DNAAF9: variants seen among roughly 807,000 people sequenced by gnomAD.
DNAAF9 encodes the protein shulin.
A neutral mutation model predicts 167.0 loss-of-function variants in DNAAF9; 90 were observed. That is an observed-to-expected ratio of 0.54 (90% CI 0.45 to 0.64). DNAAF9 has a LOEUF of 0.64. DNAAF9 is among the 30% of genes least tolerant of loss of function. The pLI is 0.00. For missense variants in DNAAF9, 1,315 were observed against 1,442.2 expected, an observed-to-expected ratio of 0.91 and a Z score of 1.43; for synonymous variants, 491 against 508.8, an observed-to-expected ratio of 0.96 and a Z score of 0.47.
rs527286459 is a variant in DNAAF9, at chr20:3,259,467, AG to A, written c.3055+12del. 4,535 of 1,443,912 alleles carry A rather than the reference AG, an allele frequency of 3.1e-3. 7 individuals are homozygous for A. Among genetic ancestry groups the A allele is most frequent in the Non-Finnish European group, 3.8e-3 (4,073 of 1,069,856 alleles). The allele number at this position is 1,443,912 out of a possible 1,614,324, so 89.4% of individuals were successfully genotyped here. On this transcript the variant is annotated intron_variant, in intron 33 of 36. Coordinates refer to ENST00000252032, the MANE Select transcript of DNAAF9 (RefSeq NM_001009984.3). ...CCATGGTGTAGAGCTCCCAAATCCC[AG>A]CCCCTGGTTACCTGAAAACTTCACT... is the stretch of plus-strand genomic sequence containing the variant.
chr20:3,314,232 G>A (rs6051733), intron 20 of DNAAF9, among the ~76,000 whole-genome samples: 2 of 152,078 alleles, frequency 1.3e-5, no homozygotes, highest in South Asian at 4.2e-4. Flanking sequence ...ATGAGATTTA[G>A]GACTTTGAAC....
chr20:3,361,991 C>T (rs1222187053), intron 6 of DNAAF9: 1 of 1,528,006 alleles, frequency 6.5e-7, no homozygotes, highest in Non-Finnish European at 9.1e-7. Context: ...ATGAATTCTG[C>T]CATTTTGCTA....
At position 3,315,912 on chromosome 20, in the gene DNAAF9, G is replaced by T; in HGVS notation, c.1540-127C>A. On this transcript the variant is annotated intron_variant, in intron 18 of 36. Transcript: ENST00000252032. The surrounding 1 kb of genome is among the most constrained non-coding windows in gnomAD (Gnocchi z 4.1). ...AGTCCTTCCACCATGTCCATGTCCA[G>T]TGCTCTCAGGCCCTGACACACCTGA... 1 of 778,988 alleles carries T rather than the reference G, an allele frequency of 1.3e-6. No homozygotes were observed. Among genetic ancestry groups the T allele is most frequent in the Non-Finnish European group, 2.3e-6 (1 of 436,858 alleles). 48.3% of individuals were successfully genotyped at this position (778,988 alleles called of 1,614,324 possible). A position where few individuals can be genotyped will look rare whatever the true frequency, so the allele number is the denominator to read the frequency against.
At chr20:3,297,987 A>G (rs2069111848) in intron 22 of DNAAF9, 42 bp downstream of exon 22, 1 of 1,534,726 alleles carries the variant, frequency 6.5e-7, no homozygotes, top group Middle Eastern at 1.7e-4. Flanking sequence ...CTAGGGGGAA[A>G]AAAAAGTAGT....
chr20:3,262,804 CATT>C (rs561559253), intron 31 of DNAAF9, among the ~76,000 whole-genome samples: 23 of 152,068 alleles, frequency 1.5e-4, no homozygotes, highest in Admixed American at 5.2e-4. Context: ...GCTAAGATAT[CATT>C]ATCTTGTTCA....
intron 1 of DNAAF9, among the ~76,000 whole-genome samples, chr20:3,396,190 C>A (rs1309054811): frequency 1.3e-5 from 2 of 152,200 alleles, no homozygotes; most frequent in African/African-American, 4.8e-5. Flanking sequence ...ATGTGTTTAT[C>A]AACAGCATGA....
intron 16 of DNAAF9, among the ~76,000 whole-genome samples, chr20:3,318,751 C>T (rs1202892164): frequency 2.0e-5 from 3 of 151,826 alleles, no homozygotes; most frequent in Non-Finnish European, 4.4e-5. Context: ...TTTGAGACCA[C>T]CCTGAACAAC....
At chr20:3,329,177 C>T (rs2069773887) in intron 12 of DNAAF9, among the ~76,000 whole-genome samples, 2 of 151,576 alleles carry the variant, frequency 1.3e-5, no homozygotes, top group African/African-American at 4.9e-5. Context: ...GACACACACG[C>T]ACATTTTTGA....
At chr20:3,279,884 C>T (rs1045546424) in intron 28 of DNAAF9, among the ~76,000 whole-genome samples, 2 of 152,202 alleles carry the variant, frequency 1.3e-5, no homozygotes, top group Non-Finnish European at 2.9e-5. Context: ...AGCCACTCTT[C>T]TGAATGGCTG....
chr20:3,295,503 C>G (rs1057191202), intron 23 of DNAAF9: 4 of 286,870 alleles, frequency 1.4e-5, no homozygotes, highest in African/African-American at 8.9e-5. Flanking sequence ...TAAAGAAGCC[C>G]AAACACATTT....
intron 30 of DNAAF9, among the ~76,000 whole-genome samples, chr20:3,266,297 C>T (rs1341934682): frequency 6.6e-6 from 1 of 152,160 alleles, no homozygotes; most frequent in Non-Finnish European, 1.5e-5. Context: ...AGGTATTTTT[C>T]CCTCTTTGTA....
chr20:3,407,380 A>C (rs1305599477), intron 1 of DNAAF9, 95 bp downstream of exon 1: 27 of 1,039,296 alleles, frequency 2.6e-5, no homozygotes, highest in Non-Finnish European at 3.2e-5. Context: ...CGAGGAAGCC[A>C]TGTCGGACCA....
intron 27 of DNAAF9, 42 bp downstream of exon 27, chr20:3,287,590 T>A: frequency 6.3e-7 from 1 of 1,597,374 alleles, no homozygotes; most frequent in South Asian, 1.1e-5. Context: ...GGCAAGGTCA[T>A]CACCCTGATT....
intron 29 of DNAAF9, among the ~76,000 whole-genome samples, chr20:3,272,815 TA>T (rs2068616925): frequency 6.6e-6 from 1 of 152,154 alleles, no homozygotes; most frequent in Admixed American, 6.5e-5. Flanking sequence ...GTAGTTTAAT[TA>T]TTTTTTTATT....
chr20:3,319,551 T>C (rs1027387330), intron 16 of DNAAF9, among the ~76,000 whole-genome samples: 5 of 152,162 alleles, frequency 3.3e-5, no homozygotes, highest in Admixed American at 6.5e-5. Flanking sequence ...CAAGGACCTG[T>C]CCCCTCCTAC....
intron 25 of DNAAF9, among the ~76,000 whole-genome samples, chr20:3,290,636 T>A (rs2068934546): frequency 6.6e-6 from 1 of 152,144 alleles, no homozygotes; most frequent in Non-Finnish European, 1.5e-5. Flanking sequence ...TAACTATTTC[T>A]TAGGAAAACA....
intron 28 of DNAAF9, among the ~76,000 whole-genome samples, chr20:3,279,749 C>T (rs1162193993): frequency 6.6e-6 from 1 of 152,178 alleles, no homozygotes; most frequent in Non-Finnish European, 1.5e-5. Context: ...GACGGCTAAA[C>T]ACACTAAGCT....
chr20:3,405,030 C>T (rs2084037104), intron 1 of DNAAF9, among the ~76,000 whole-genome samples: 2 of 152,210 alleles, frequency 1.3e-5, no homozygotes, highest in Admixed American at 6.5e-5. Flanking sequence ...TGGAAAACTA[C>T]ACAACAGAAA....
At chr20:3,354,937 T>A (rs1446567723) in intron 7 of DNAAF9, among the ~76,000 whole-genome samples, 1 of 152,170 alleles carries the variant, frequency 6.6e-6, no homozygotes, top group Non-Finnish European at 1.5e-5. Flanking sequence ...TTCAGCTGCA[T>A]GATGTCGCTG....
Sources: gnomAD v4.1 joint callset for allele counts (sites outside exome capture counted in the v4.1 genomes callset) on GRCh38, gnomAD v4.1.1 for gene constraint, Gnocchi (gnomAD v3.1) non-coding constraint, MANE v1.5 for transcripts, NCBI Gene and HGNC (gene_info 2026-07-23, HGNC 2026-07-21) for gene names.